Variants in CTNNA3 observed in about 807,000 individuals in gnomAD.
The protein encoded by CTNNA3 is catenin alpha 3, also known as catenin alpha-3.
Under a neutral mutation model 95.7 loss-of-function variants are expected in CTNNA3, and 76 were observed. That is an observed-to-expected ratio of 0.79 (90% CI 0.66 to 0.96). CTNNA3 has a LOEUF of 0.96. Ranked by LOEUF, CTNNA3 falls within the 40% of genes least tolerant of loss-of-function variation. The probability of loss-of-function intolerance (pLI) is 0.00; values close to 1 mark genes in which losing one functional copy is unlikely to be tolerated. For synonymous variants in CTNNA3, 431 were observed against 374.4 expected, an observed-to-expected ratio of 1.15 and a Z score of -1.74; for missense variants, 1,191 against 1,089.8, an observed-to-expected ratio of 1.09 and a Z score of -1.31.
chr10:66,845,116 G>A (rs1292942840), intron 7 of CTNNA3, among the ~76,000 whole-genome samples: 2 of 152,094 alleles, frequency 1.3e-5, no homozygotes, highest in Non-Finnish European at 2.9e-5. Context: ...CATGAAAGAG[G>A]CTTTGAGAAA....
At chr10:66,465,801 G>C (rs996690999) in intron 11 of CTNNA3, among the ~76,000 whole-genome samples, 2 of 152,070 alleles carry the variant, frequency 1.3e-5, no homozygotes, top group African/African-American at 4.8e-5. Flanking sequence ...TGGTCCAAGA[G>C]ATTATCTGAT....
At chr10:67,477,157 G>C (rs1269293565) in intron 5 of CTNNA3, among the ~76,000 whole-genome samples, 3 of 151,940 alleles carry the variant, frequency 2.0e-5, no homozygotes, top group African/African-American at 7.3e-5. Flanking sequence ...CACTTTCCTG[G>C]ACTAAGAGTT....
intron 11 of CTNNA3, 95 bp downstream of exon 11, chr10:66,520,522 C>T: frequency 8.9e-7 from 1 of 1,117,560 alleles, no homozygotes; most frequent in East Asian, 2.9e-5. Context: ...AAAGTGTTGG[C>T]ATTACAGGCA....
At chr10:66,476,059 G>C (rs1304653099) in intron 11 of CTNNA3, among the ~76,000 whole-genome samples, 3 of 152,236 alleles carry the variant, frequency 2.0e-5, no homozygotes, top group African/African-American at 7.2e-5. Flanking sequence ...AACATCCTTT[G>C]CTGGGACATG....
chr10:67,278,154 A>G (rs1470600855), intron 5 of CTNNA3, among the ~76,000 whole-genome samples: 3 of 152,194 alleles, frequency 2.0e-5, no homozygotes, highest in Non-Finnish European at 4.4e-5. Flanking sequence ...TGGAGAACGT[A>G]CAGGTATAAC....
intron 13 of CTNNA3, among the ~76,000 whole-genome samples, chr10:66,198,914 T>A (rs922206254): frequency 6.6e-6 from 1 of 152,206 alleles, no homozygotes; most frequent in African/African-American, 2.4e-5. Context: ...AAGAAATATG[T>A]TTTCATTCAG....
At chr10:67,505,832 C>T (rs1391141517) in intron 5 of CTNNA3, among the ~76,000 whole-genome samples, 1 of 152,082 alleles carries the variant, frequency 6.6e-6, no homozygotes, top group Non-Finnish European at 1.5e-5. Context: ...AAATACTGAA[C>T]TGTAGTGCTA....
chr10:66,185,819 A>T (rs1409707489), intron 13 of CTNNA3, among the ~76,000 whole-genome samples: 1 of 152,016 alleles, frequency 6.6e-6, no homozygotes, highest in South Asian at 2.1e-4. Flanking sequence ...TGGATTTTTT[A>T]AAATGTCTTA....
At chr10:66,016,740 G>A (rs2079103481) in intron 15 of CTNNA3, among the ~76,000 whole-genome samples, 1 of 152,040 alleles carries the variant, frequency 6.6e-6, no homozygotes, top group Non-Finnish European at 1.5e-5. Flanking sequence ...TATCATAAAA[G>A]AGATGTGCTT....
intron 6 of CTNNA3, among the ~76,000 whole-genome samples, chr10:67,212,206 T>A (rs1864168074): frequency 1.3e-5 from 2 of 151,944 alleles, no homozygotes; most frequent in African/African-American, 4.8e-5. Flanking sequence ...TAACACACAT[T>A]CATCTACCAA....
chr10:65,966,203 G>T (rs2077961779), intron 17 of CTNNA3, among the ~76,000 whole-genome samples: 1 of 152,122 alleles, frequency 6.6e-6, no homozygotes, highest in Non-Finnish European at 1.5e-5. Context: ...AAAAGAAATA[G>T]GGGGAAAATG....
chr10:67,604,006 A>T (rs1027610459), intron 3 of CTNNA3, among the ~76,000 whole-genome samples: 61 of 152,064 alleles, frequency 4.0e-4, no homozygotes, highest in Admixed American at 1.2e-3. Flanking sequence ...TGTCTTTTCT[A>T]TGTTTAGATA....
intron 7 of CTNNA3, among the ~76,000 whole-genome samples, chr10:67,026,507 G>A (rs917569564): frequency 2.6e-5 from 4 of 152,008 alleles, no homozygotes; most frequent in Non-Finnish European, 4.4e-5. Flanking sequence ...ATATGGAAAA[G>A]TTTTAAATCT....
chr10:66,269,975 G>A (rs553529713), intron 13 of CTNNA3, among the ~76,000 whole-genome samples: 1 of 152,236 alleles, frequency 6.6e-6, no homozygotes, highest in South Asian at 2.1e-4. Flanking sequence ...AAAATACAAT[G>A]CTTAGTACAC....
At chr10:66,749,251 G>C (rs956543671) in intron 9 of CTNNA3, among the ~76,000 whole-genome samples, 2 of 105,296 alleles carry the variant, frequency 1.9e-5, no homozygotes, top group African/African-American at 3.7e-5. Context: ...AAGAAAGAAA[G>C]ATATTCTCCT....
chr10:66,187,024 C>T (rs759608661), intron 13 of CTNNA3, among the ~76,000 whole-genome samples: 5 of 152,116 alleles, frequency 3.3e-5, no homozygotes, highest in Admixed American at 1.3e-4. Context: ...AGCAGTTCAA[C>T]GATCATAGTA....
At chr10:67,668,042 A>G (rs923065822) in intron 1 of CTNNA3, among the ~76,000 whole-genome samples, 10 of 152,120 alleles carry the variant, frequency 6.6e-5, no homozygotes, top group Non-Finnish European at 1.3e-4. Flanking sequence ...TACCCACTTA[A>G]TTCTACTTTA....
At chr10:67,409,996 C>T (rs1051173803) in intron 5 of CTNNA3, among the ~76,000 whole-genome samples, 20 of 152,128 alleles carry the variant, frequency 1.3e-4, no homozygotes, top group African/African-American at 4.6e-4. Flanking sequence ...ACCCAGCAAT[C>T]CCATTACTGA....
intron 12 of CTNNA3, among the ~76,000 whole-genome samples, chr10:66,315,274 C>T (rs10822804): frequency 0.13 from 19,585 of 151,932 alleles, 1,482 homozygotes; most frequent in East Asian, 0.25. Flanking sequence ...TCTATCCTGG[C>T]CCCACTTCAT....
Sources: gnomAD v4.1 joint callset for allele counts (sites outside exome capture counted in the v4.1 genomes callset) on GRCh38, gnomAD v4.1.1 for gene constraint, MANE v1.5 for transcripts, NCBI Gene and HGNC (gene_info 2026-07-23, HGNC 2026-07-21) for gene names.